NCAPG2: variants seen among roughly 807,000 people sequenced by gnomAD.
The protein encoded by NCAPG2 is condensin-2 complex subunit G2.
Under a neutral mutation model 141.1 loss-of-function variants are expected in NCAPG2, and 53 were observed. The ratio of observed to expected loss-of-function variants is 0.38; its 90% confidence interval spans 0.30 to 0.47. The LOEUF is 0.47. Ranked by LOEUF, NCAPG2 falls within the 20% of genes least tolerant of loss-of-function variation. The pLI, the probability that NCAPG2 is intolerant of heterozygous loss-of-function variation, is 0.99. For synonymous variants in NCAPG2, 499 were observed against 490.7 expected, an observed-to-expected ratio of 1.02 and a Z score of -0.22; for missense variants, 1,087 against 1,389.0, an observed-to-expected ratio of 0.78 and a Z score of 3.46.
intron 24 of NCAPG2, among the ~76,000 whole-genome samples, chr7:158,650,219 G>C (rs936728104): frequency 6.6e-6 from 1 of 152,094 alleles, no homozygotes; most frequent in African/African-American, 2.4e-5. Context: ...CTAATTTTTT[G>C]TATCTTTAGT....
At position 158,645,564 on chromosome 7, in the gene NCAPG2, C is replaced by T. The variant is rs1830947206; in HGVS notation, c.3235G>A (p.Val1079Met). Residue 1079 changes from valine (V) to methionine (M), a missense_variant, in exon 26 of 28, where the codon GTG (valine) becomes ATG (methionine). Val to Met is a conservative substitution (Grantham distance 21). Transcript: ENST00000356309. ...CVASNDIEGI[V>M]CLTAAVHIIL... is the part of the protein sequence containing the mutation. Reference sequence around the variant, plus strand: ...ATATGCACAGCAGCCGTGAGGCACACAATGCCTTCAATATCATTAGAAGCC... The same window carrying T: ...ATATGCACAGCAGCCGTGAGGCACATAATGCCTTCAATATCATTAGAAGCC... 4 of 1,614,214 alleles carry T rather than the reference C, an allele frequency of 2.5e-6. No homozygotes were observed. Among genetic ancestry groups the T allele is most frequent in the Middle Eastern group, 1.6e-4 (1 of 6,062 alleles).
At chr7:158,691,807 A>C (rs935686901) in intron 4 of NCAPG2, among the ~76,000 whole-genome samples, 1 of 152,204 alleles carries the variant, frequency 6.6e-6, no homozygotes, top group Non-Finnish European at 1.5e-5. Context: ...TTCACAACAT[A>C]CTTTAAGAAA....
rs1835244555 is a variant in NCAPG2, at chr7:158,693,309, C to A, written c.267G>T (p.Met89Ile). ...DNMETEHGSK[M>I]RKSIEIIYAI... ...CTTATTTTTGAAAAACAAATACTAC[C>A]ATTTTTGAGCCATGTTCGGTTTCCA... The change falls in exon 3 of 28, where the codon ATG becomes ATT. Residue 89 changes from methionine to isoleucine, a missense_variant and splice_region_variant. Physicochemically the swap from Met to Ile is conservative, Grantham distance 10. Coordinates refer to ENST00000356309, the MANE Select transcript of NCAPG2 (RefSeq NM_017760.7). 6.3e-7 allele frequency: 1 copy of A among 1,596,704 alleles called. No individual in the cohort carries two copies. Among genetic ancestry groups the A allele is most frequent in the South Asian group, 1.2e-5 (1 of 86,176 alleles).
intron 2 of NCAPG2, among the ~76,000 whole-genome samples, chr7:158,695,144 C>T (rs1259595702): frequency 6.6e-6 from 1 of 152,134 alleles, no homozygotes; most frequent in Non-Finnish European, 1.5e-5. Context: ...TGATGGACCA[C>T]AGCTACTGTG....
At chr7:158,667,415 A>C (rs1388793393) in intron 13 of NCAPG2, among the ~76,000 whole-genome samples, 11 of 36,782 alleles carry the variant, frequency 3.0e-4, no homozygotes, top group South Asian at 9.3e-4. Context: ...CTCCTTACCC[A>C]CTACTGGGTC....
chr7:158,637,542 G>GT (rs1830337379), intron 27 of NCAPG2, among the ~76,000 whole-genome samples: 1 of 152,112 alleles, frequency 6.6e-6, no homozygotes, highest in Admixed American at 6.5e-5. Context: ...ACAGGAGCCT[G>GT]TGGGACTCAA....
chr7:158,666,886 G>T (rs187321211), intron 13 of NCAPG2, among the ~76,000 whole-genome samples: 9 of 152,244 alleles, frequency 5.9e-5, no homozygotes, highest in Non-Finnish European at 7.4e-5. Context: ...GAAACAAAGA[G>T]AAAGTATAAC....
chr7:158,690,631 G>C lies in NCAPG2; in HGVS notation c.474C>G (p.Ala158=). The change falls in exon 5 of 28, where the codon GCC becomes GCG. Residue 158 remains alanine, a synonymous_variant. Transcript: ENST00000356309. ...CVTWWEKGLP[A]KEDTGKTAFV... ...AGGCTGTCTTTCCTGTGTCTTCCTTGGCAGGCAGGCCTTTCTCCCACCAGG... is the reference window on the plus strand; with the variant it reads ...AGGCTGTCTTTCCTGTGTCTTCCTTCGCAGGCAGGCCTTTCTCCCACCAGG... The C allele has an allele frequency of 6.2e-7, 1 of 1,614,106 alleles. No individual in the cohort carries two copies. Among genetic ancestry groups the C allele is most frequent in the Non-Finnish European group, 8.5e-7 (1 of 1,180,004 alleles).
rs756784481 is a variant in NCAPG2, at chr7:158,692,901, G to A, written c.323C>T (p.Ser108Phe). 3.1e-6 allele frequency: 5 copies of A among 1,595,338 alleles called. No homozygotes were observed. Among genetic ancestry groups the A allele is most frequent in the Non-Finnish European group, 4.3e-6 (5 of 1,167,236 alleles). ...AITSVILASV[S>F]VINESENYEA... is the part of the protein sequence containing the mutation. ...GTAGTTCTCACTTTCATTTATTACAGACACAGAAGCAAGAATCACAGATGT... is the reference window on the plus strand; with the variant it reads ...GTAGTTCTCACTTTCATTTATTACAAACACAGAAGCAAGAATCACAGATGT... Residue 108 changes from serine (S) to phenylalanine (F), a missense_variant, in exon 4 of 28, where the codon TCT becomes TTT. Coordinates refer to ENST00000356309, the MANE Select transcript of NCAPG2 (RefSeq NM_017760.7).
intron 19 of NCAPG2, 52 bp downstream of exon 19, chr7:158,656,208 T>C: frequency 3.8e-6 from 6 of 1,572,486 alleles, no homozygotes; most frequent in Non-Finnish European, 5.2e-6. Context: ...CACTTTGATT[T>C]GTCACCCCCA....
At chr7:158,637,198 T>C (rs183750531) in intron 27 of NCAPG2, among the ~76,000 whole-genome samples, 314 of 152,230 alleles carry the variant, frequency 2.1e-3, no homozygotes, top group Admixed American at 3.7e-3. Flanking sequence ...CCACCTGCCT[T>C]GGCCTCCCAA....
At chr7:158,657,448 A>G (rs1426639918) in intron 17 of NCAPG2, among the ~76,000 whole-genome samples, 1 of 152,234 alleles carries the variant, frequency 6.6e-6, no homozygotes, top group East Asian at 1.9e-4. Flanking sequence ...AAAGTGGAGT[A>G]ACAGTTTCAG....
At chr7:158,677,837 G>C (rs1420529469) in intron 11 of NCAPG2, among the ~76,000 whole-genome samples, 1 of 152,004 alleles carries the variant, frequency 6.6e-6, no homozygotes, top group African/African-American at 2.4e-5. Context: ...TTGAAACAGG[G>C]TCTTGCTCTG....
At position 158,655,423 on chromosome 7, in the gene NCAPG2, A is replaced by G. The variant is rs752406893; in HGVS notation, c.2421T>C (p.Gly807=). ...CTTCACTGAAGCCACGAGGCTTCCC[A>G]CCCGGTGTCTGCAGAAGTGACTCCA... The part of the protein sequence containing the change: ...ADLESLLQTP[G]GKPRGFSEAA... Residue 807 remains glycine (G), a synonymous_variant, in exon 20 of 28, where the codon GGT becomes GGC. Transcript: ENST00000356309. 1.7e-5 allele frequency: 28 copies of G among 1,613,970 alleles called. No homozygotes were observed. The East Asian group carries it at 5.3e-4, about 31-fold the overall frequency.
intron 12 of NCAPG2, 52 bp downstream of exon 12, chr7:158,675,425 C>T: frequency 7.0e-7 from 1 of 1,419,486 alleles, no homozygotes; most frequent in Non-Finnish European, 9.4e-7. Context: ...TCCTGTTTTT[C>T]TAATTATTCT....
At chr7:158,664,927 A>C (rs1587168086) in intron 13 of NCAPG2, among the ~76,000 whole-genome samples, 177 bp from the exon 14 acceptor site, 1 of 152,216 alleles carries the variant, frequency 6.6e-6, no homozygotes, top group Non-Finnish European at 1.5e-5. Context: ...TAGAATTAAT[A>C]AATCTATATT....
At chr7:158,635,009 C>T (rs1830094836) in intron 27 of NCAPG2, among the ~76,000 whole-genome samples, 1 of 152,152 alleles carries the variant, frequency 6.6e-6, no homozygotes, top group South Asian at 2.1e-4. Flanking sequence ...GTGTCAAACA[C>T]GAGGACTCAA....
intron 24 of NCAPG2, among the ~76,000 whole-genome samples, chr7:158,648,339 C>CA (rs1446645031): frequency 1.3e-5 from 2 of 150,564 alleles, no homozygotes; most frequent in African/African-American, 4.9e-5. Flanking sequence ...AATATAAAGT[C>CA]AACAGAGATA....
intron 27 of NCAPG2, chr7:158,641,396 C>A: frequency 2.1e-6 from 1 of 478,738 alleles, no homozygotes; most frequent in Non-Finnish European, 3.7e-6. Flanking sequence ...AAAAAAACCA[C>A]TTTAAATATA....
Sources: gnomAD v4.1 joint callset for allele counts (sites outside exome capture counted in the v4.1 genomes callset) on GRCh38, gnomAD v4.1.1 for gene constraint, MANE v1.5 for transcripts, NCBI Gene and HGNC (gene_info 2026-07-23, HGNC 2026-07-21) for gene names.